SGSM1: variants seen among roughly 807,000 people sequenced by gnomAD.
The protein encoded by SGSM1 is small G protein signaling modulator 1.
SGSM1 carries 73 observed loss-of-function variants against 133.8 expected under a neutral mutation model. The observed-to-expected ratio is 0.55, with a 90% CI of 0.45 to 0.66. The LOEUF (loss-of-function observed/expected upper bound fraction) is 0.66, where lower values mean the gene tolerates loss of function less well. Among genes scored for constraint, SGSM1 ranks in the 30% least tolerant of loss-of-function variants. SGSM1 has a pLI of 0.00. For synonymous variants in SGSM1, 563 were observed against 573.0 expected, an observed-to-expected ratio of 0.98 and a Z score of 0.25; for missense variants, 1,213 against 1,448.1, an observed-to-expected ratio of 0.84 and a Z score of 2.64.
chr22:24,818,868 C>A (rs566930274), intron 2 of SGSM1, among the ~76,000 whole-genome samples: 1 of 151,688 alleles, frequency 6.6e-6, no homozygotes, highest in Non-Finnish European at 1.5e-5. Flanking sequence ...AATAATTGGC[C>A]GGGAGCAGTG....
At chr22:24,806,595 A>T in intron 2 of SGSM1, 111 bp downstream of exon 2, 1 of 1,317,304 alleles carries the variant, frequency 7.6e-7, no homozygotes, top group Non-Finnish European at 1.0e-6. Flanking sequence ...CGGCCAGAAC[A>T]GGTGTGGGGC....
intron 21 of SGSM1, among the ~76,000 whole-genome samples, chr22:24,906,820 G>A (rs558853309): frequency 4.6e-5 from 7 of 152,018 alleles, no homozygotes; most frequent in Non-Finnish European, 1.0e-4. Flanking sequence ...GCGTGGTGGC[G>A]CATGCCTCTA....
chr22:24,874,161 G>A (rs1931902395), intron 12 of SGSM1, among the ~76,000 whole-genome samples: 1 of 152,196 alleles, frequency 6.6e-6, no homozygotes, highest in Admixed American at 6.5e-5. Context: ...CCCTCACAGG[G>A]TCGTGAAGAA....
At chr22:24,850,614 G>A (rs977527899) in intron 5 of SGSM1, among the ~76,000 whole-genome samples, 182 bp downstream of exon 5, 9 of 152,176 alleles carry the variant, frequency 5.9e-5, no homozygotes, top group Admixed American at 4.6e-4. Context: ...CAAGGTCTTC[G>A]GATTTAGGGT....
chr22:24,829,953 G>T (rs1222554410), intron 2 of SGSM1, among the ~76,000 whole-genome samples: 1 of 152,196 alleles, frequency 6.6e-6, no homozygotes, highest in Non-Finnish European at 1.5e-5. Context: ...TGAGAGCCTG[G>T]AATGGGGAGA....
At chr22:24,876,517 C>G (rs1296068696) in intron 12 of SGSM1, 60 bp from the exon 13 acceptor site, 1 of 1,602,468 alleles carries the variant, frequency 6.2e-7, no homozygotes, top group Non-Finnish European at 8.5e-7. Flanking sequence ...GGTGAGATTT[C>G]TGTGACCCAC....
chr22:24,878,742 G>A (rs1390049188), intron 13 of SGSM1, among the ~76,000 whole-genome samples: 1 of 152,162 alleles, frequency 6.6e-6, no homozygotes, highest in East Asian at 1.9e-4. Context: ...GAAGCTTTGA[G>A]GCATCACCTA....
intron 2 of SGSM1, among the ~76,000 whole-genome samples, chr22:24,832,380 C>G (rs1220056078): frequency 6.6e-6 from 1 of 152,234 alleles, no homozygotes; most frequent in Non-Finnish European, 1.5e-5. Context: ...TAGTCATTGG[C>G]TGAAGCTTCT....
intron 22 of SGSM1, 132 bp from the exon 23 acceptor site, chr22:24,917,526 A>C: frequency 1.7e-6 from 1 of 578,458 alleles, no homozygotes; most frequent in Non-Finnish European, 3.0e-6. Context: ...ATCTTTTCCC[A>C]TTTTTTAAAC....
chr22:24,811,379 C>T (rs1214012138), intron 2 of SGSM1, among the ~76,000 whole-genome samples: 13 of 151,620 alleles, frequency 8.6e-5, no homozygotes, highest in Admixed American at 8.5e-4. Flanking sequence ...TTGAACAACT[C>T]ATTCTTACTG....
Position 24,926,002 on chromosome 22 carries a change from G to T in SGSM1, c.*1728G>T, listed in dbSNP as rs965306091. On this transcript the variant is annotated 3_prime_UTR_variant, in exon 25 of 25. Transcript: ENST00000400358. The stretch of plus-strand genomic sequence containing the variant: ...AACCCAGCAAGCAGCAGAGAGAAAG[G>T]CTCTTCCCGGGAGACCTGCCGCCTC... 1 of 152,246 alleles carries T rather than the reference G, an allele frequency of 6.6e-6. No individual in the cohort carries two copies. The highest frequency in any genetic ancestry group is 2.1e-4 in the South Asian group (1 of 4,830). The allele number at this position is 152,246 out of a possible 1,614,324, so 9.4% of individuals were successfully genotyped here. A position where few individuals can be genotyped will look rare whatever the true frequency, so the allele number is the denominator to read the frequency against.
intron 8 of SGSM1, among the ~76,000 whole-genome samples, chr22:24,858,444 A>G (rs1200530750): frequency 6.6e-6 from 1 of 152,150 alleles, no homozygotes; most frequent in Admixed American, 6.5e-5. Context: ...GCGAAACCCT[A>G]TCTCTACTAA....
At position 24,901,972 on chromosome 22, in the gene SGSM1, C is replaced by G; in HGVS notation, c.2735+15C>G. 1 of 658,968 alleles carries G rather than the reference C, an allele frequency of 1.5e-6. No homozygotes were observed. The highest frequency in any genetic ancestry group is 1.1e-4 in the East Asian group (1 of 9,050). 40.8% of individuals were successfully genotyped at this position (658,968 alleles called of 1,614,324 possible). A position where few individuals can be genotyped will look rare whatever the true frequency, so the allele number is the denominator to read the frequency against. ...ATCATGTGCAGGTGGCTGGGGACAG[C>G]GAGGGGATCTAGGGGATGGGGATGG... On this transcript the variant is annotated intron_variant, in intron 20 of 24. Transcript: ENST00000400358.
At chr22:24,880,440 C>T (rs1206258939) in intron 14 of SGSM1, among the ~76,000 whole-genome samples, 1 of 152,114 alleles carries the variant, frequency 6.6e-6, no homozygotes, top group East Asian at 1.9e-4. Flanking sequence ...GTCTCTGCCA[C>T]CTTGATTTTT....
At chr22:24,830,147 AC>A (rs1370884571) in intron 2 of SGSM1, among the ~76,000 whole-genome samples, 2 of 152,026 alleles carry the variant, frequency 1.3e-5, no homozygotes, top group African/African-American at 4.8e-5. Flanking sequence ...TTGCTAATTA[AC>A]CAGCCTTTTC....
At chr22:24,811,926 T>C (rs992833188) in intron 2 of SGSM1, among the ~76,000 whole-genome samples, 1 of 151,410 alleles carries the variant, frequency 6.6e-6, no homozygotes, top group Non-Finnish European at 1.5e-5. Flanking sequence ...AACAGCACTT[T>C]GGGAGGCCAA....
rs763433964 is a variant in SGSM1, at chr22:24,847,667, G to A, written c.173G>A (p.Arg58Gln). 33 of 1,613,620 alleles carry A rather than the reference G, an allele frequency of 2.0e-5. No homozygotes were observed. The highest frequency in any genetic ancestry group is 1.7e-4 in the Middle Eastern group (1 of 6,048). Residue 58 changes from arginine (R) to glutamine (Q), a missense_variant, in exon 4 of 25, where the codon CGG becomes CAG. Coordinates refer to ENST00000400358, the MANE Select transcript of SGSM1 (RefSeq NM_001098497.3). ...GAGGCCTGCGTTCTGCACGGGCTTC[G>A]GCGGCGGGCGGCTGGCTTCCTACGC... is the stretch of plus-strand genomic sequence containing the variant. ...AVEACVLHGL[R>Q]RRAAGFLRSN...
intron 13 of SGSM1, among the ~76,000 whole-genome samples, chr22:24,878,223 A>G (rs760648895): frequency 6.6e-6 from 1 of 152,164 alleles, no homozygotes; most frequent in Admixed American, 6.5e-5. Flanking sequence ...GGACCCAGGA[A>G]TCCACATGTT....
chr22:24,849,403 A>G (rs892932036), intron 4 of SGSM1, among the ~76,000 whole-genome samples: 2 of 152,106 alleles, frequency 1.3e-5, no homozygotes, highest in Non-Finnish European at 2.9e-5. Context: ...AAAATACAAA[A>G]TTAGCTGGGC....
Sources: allele counts gnomAD v4.1 joint callset (sites outside exome capture counted in the v4.1 genomes callset), GRCh38; gene constraint gnomAD v4.1.1; transcripts MANE v1.5; gene names NCBI Gene and HGNC (gene_info 2026-07-23, HGNC 2026-07-21).